The following SMARCA2 variants were observed in gnomAD, a reference collection of about 807,000 sequenced individuals.
SMARCA2 encodes SWI/SNF related BAF chromatin remodeling complex subunit ATPase 2.
A neutral mutation model predicts 199.8 loss-of-function variants in SMARCA2; 61 were observed. The observed-to-expected ratio is 0.31, with a 90% CI of 0.25 to 0.38. The LOEUF is 0.38. Among genes scored for constraint, SMARCA2 ranks in the 10% least tolerant of loss-of-function variants. The pLI, the probability that SMARCA2 is intolerant of heterozygous loss-of-function variation, is 1.00. For missense variants in SMARCA2, 1,344 were observed against 2,012.2 expected (o/e 0.67, Z 6.35); for synonymous variants, 935 against 732.0 (o/e 1.28, Z -4.48).
chr9:2,192,856 T>A lies in SMARCA2; in HGVS notation c.*117T>A. On this transcript the variant is annotated 3_prime_UTR_variant, in exon 34 of 34. Transcript: ENST00000349721. ...GTTGTTTCTATATCATCATCGTCTA[T>A]AAACTAGCTTTAGGATAGTGCCAGA... The A allele has an allele frequency of 1.3e-6, 1 of 758,772 alleles. No homozygotes were observed. Among genetic ancestry groups the A allele is most frequent in the Non-Finnish European group, 2.4e-6 (1 of 425,404 alleles). 47.0% of individuals were successfully genotyped at this position (758,772 alleles called of 1,614,324 possible). A position where few individuals can be genotyped will look rare whatever the true frequency, so the allele number is the denominator to read the frequency against.
chr9:2,115,764 G>A lies in SMARCA2; in HGVS notation c.3457-58G>A. ...ATATTTCCCTCTGGGGTGGGGTCCG[G>A]TTTTGGATGCCTATGCCAGGCATCT... is the stretch of plus-strand genomic sequence containing the variant. On this transcript the variant is annotated intron_variant, in intron 24 of 33. Coordinates refer to ENST00000349721, the MANE Select transcript of SMARCA2 (RefSeq NM_003070.5). This position sits in a 1 kb window ranked among gnomAD's most constrained non-coding sequence, Gnocchi z 6.0. 6.9e-7 allele frequency: 1 copy of A among 1,440,722 alleles called. No individual in the cohort carries two copies. 89.2% of individuals were successfully genotyped at this position (1,440,722 alleles called of 1,614,324 possible). A position where few individuals can be genotyped will look rare whatever the true frequency, so the allele number is the denominator to read the frequency against.
chr9:2,052,950 A>G (rs942303180), intron 5 of SMARCA2, among the ~76,000 whole-genome samples: 1 of 152,202 alleles, frequency 6.6e-6, no homozygotes, highest in African/African-American at 2.4e-5. Flanking sequence ...TTTGGAAAAA[A>G]CTGTAATATT....
intron 31 of SMARCA2, 53 bp from the exon 32 acceptor site, chr9:2,186,043 C>T: frequency 6.3e-7 from 1 of 1,578,106 alleles, no homozygotes; most frequent in South Asian, 1.1e-5. Flanking sequence ...GAAGAGTTCA[C>T]TGCCATGGTA....
At chr9:2,052,594 G>C (rs1820171886) in intron 5 of SMARCA2, among the ~76,000 whole-genome samples, 1 of 152,092 alleles carries the variant, frequency 6.6e-6, no homozygotes, top group Admixed American at 6.5e-5. Context: ...AATAAAACAA[G>C]AATCAGTCTT....
intron 27 of SMARCA2, among the ~76,000 whole-genome samples, chr9:2,128,253 T>C (rs1376954037): frequency 6.6e-6 from 1 of 152,238 alleles, no homozygotes; most frequent in Non-Finnish European, 1.5e-5. Flanking sequence ...TAGCTGCTGG[T>C]CTGCTCCTTT....
intron 15 of SMARCA2, among the ~76,000 whole-genome samples, chr9:2,082,306 G>GGTGTGTGTGTGTGT (rs3057852): frequency 8.2e-6 from 1 of 121,796 alleles, no homozygotes; most frequent in Non-Finnish European, 1.7e-5. Flanking sequence ...AAAGGGGAAA[G>GGTGTGTGTGTGTGT]GTGTGTGTGT....
At chr9:2,096,333 C>G (rs1161447912) in intron 19 of SMARCA2, among the ~76,000 whole-genome samples, 2 of 152,136 alleles carry the variant, frequency 1.3e-5, no homozygotes, top group African/African-American at 2.4e-5. Context: ...CTAAAAATAT[C>G]CCATATTGAA....
intron 9 of SMARCA2, among the ~76,000 whole-genome samples, chr9:2,066,169 T>C (rs965235446): frequency 7.9e-5 from 12 of 152,360 alleles, no homozygotes; most frequent in African/African-American, 2.9e-4. Context: ...ATTTGAATGT[T>C]GTTTCAGTAT....
At chr9:2,083,839 T>C (rs1586687402) in intron 16 of SMARCA2, among the ~76,000 whole-genome samples, 1 of 152,198 alleles carries the variant, frequency 6.6e-6, no homozygotes, top group African/African-American at 2.4e-5. Context: ...ACAAATTCAC[T>C]GTCATTTCCA....
rs375424689 is a variant in SMARCA2 at position 2,033,533 on chromosome 9, C to T, written c.355+452C>T. On this transcript the variant is annotated intron_variant, in intron 3 of 33. Coordinates refer to ENST00000349721, the MANE Select transcript of SMARCA2 (RefSeq NM_003070.5). The stretch of plus-strand genomic sequence containing the variant: ...GAAGGTAAGGTGAACCACCTGTGTC[C>T]CTTGAATTGCATGCTTATCCATTGT... Among the ~76,000 whole-genome samples the T allele has an allele frequency of 7.9e-5, 12 of 152,194 alleles. No individual in the cohort carries two copies. The East Asian group carries it at 2.3e-3, about 29-fold the overall frequency.
chr9:2,093,099 C>G (rs538028887), intron 19 of SMARCA2, among the ~76,000 whole-genome samples: 1 of 152,280 alleles, frequency 6.6e-6, no homozygotes, highest in African/African-American at 2.4e-5. Context: ...AAATGGGAGG[C>G]ATGGTGTGAG....
intron 7 of SMARCA2, 64 bp from the exon 8 acceptor site, chr9:2,058,227 T>G (rs2130351420): frequency 2.1e-6 from 3 of 1,411,020 alleles, no homozygotes; most frequent in Middle Eastern, 4.0e-4. Flanking sequence ...ACAACACTGA[T>G]AGCTCAGAGG....
At position 2,095,860 on chromosome 9, in the gene SMARCA2, A is replaced by G. The variant is rs185205573; in HGVS notation, c.2884-797A>G. Among the ~76,000 whole-genome samples the G allele has an allele frequency of 5.3e-5, 8 of 152,356 alleles. No homozygotes were observed. In the East Asian group the frequency reaches 1.3e-3, roughly 26 times the overall value. On this transcript the variant is annotated intron_variant, in intron 19 of 33. Transcript: ENST00000349721. ...CTGATGTTTATTATGAGAATTGCAC[A>G]TTTGTATTATTGGGATTCTTTATTA...
chr9:2,132,247 T>C (rs1294451093), intron 27 of SMARCA2, among the ~76,000 whole-genome samples: 1 of 152,046 alleles, frequency 6.6e-6, no homozygotes, highest in African/African-American at 2.4e-5. Flanking sequence ...TCCTCACAGG[T>C]GTAAAGAGGT....
At chr9:2,124,846 G>A (rs895166755) in intron 27 of SMARCA2, among the ~76,000 whole-genome samples, 1 of 152,176 alleles carries the variant, frequency 6.6e-6, no homozygotes, top group African/African-American at 2.4e-5. Context: ...CCATTTTTGG[G>A]AGTAGACTTA....
chr9:2,076,045 A>G (rs1190654103), intron 12 of SMARCA2, among the ~76,000 whole-genome samples, 184 bp from the exon 13 acceptor site: 1 of 152,218 alleles, frequency 6.6e-6, no homozygotes, highest in Non-Finnish European at 1.5e-5. Context: ...TCATGATTTC[A>G]ACAGCAGTTG....
intron 9 of SMARCA2, chr9:2,068,930 T>A (rs1171547218): frequency 2.0e-5 from 3 of 152,052 alleles, no homozygotes; most frequent in Non-Finnish European, 4.4e-5. Context: ...TTTGTTTTTT[T>A]TTTTGAGACA....
At chr9:2,015,802 G>A (rs1000469833) in intron 1 of SMARCA2, among the ~76,000 whole-genome samples, 2 of 152,224 alleles carry the variant, frequency 1.3e-5, no homozygotes, top group African/African-American at 4.8e-5. Context: ...GCCAACTCAA[G>A]GTTGCAACAC....
chr9:2,107,391 C>G (rs1045853380), intron 23 of SMARCA2, among the ~76,000 whole-genome samples: 2 of 152,186 alleles, frequency 1.3e-5, no homozygotes, highest in African/African-American at 4.8e-5. Flanking sequence ...CATCTCGGCT[C>G]CCTGCAACCT....
Sources: gnomAD v4.1 joint callset for allele counts (sites outside exome capture counted in the v4.1 genomes callset) on GRCh38, gnomAD v4.1.1 for gene constraint, Gnocchi (gnomAD v3.1) non-coding constraint, MANE v1.5 for transcripts, NCBI Gene and HGNC (gene_info 2026-07-23, HGNC 2026-07-21) for gene names.